LRRC7: variants seen among roughly 807,000 people sequenced by gnomAD.
LRRC7 encodes leucine rich repeat containing 7, also known as leucine-rich repeat-containing protein 7.
In LRRC7, 23 loss-of-function variants were observed where a neutral mutation model predicts 175.7. The observed-to-expected ratio is 0.13, with a 90% confidence interval of 0.09 to 0.19. The LOEUF (loss-of-function observed/expected upper bound fraction) is 0.19. LRRC7 is among the 10% of genes least tolerant of loss of function. LRRC7 has a pLI of 1.00. For synonymous variants in LRRC7, 685 were observed against 680.9 expected, an observed-to-expected ratio of 1.01 and a Z score of -0.09; for missense variants, 1,354 against 1,904.7, an observed-to-expected ratio of 0.71 and a Z score of 5.38.
At chr1:69,613,620 G>A (rs879515875) in intron 1 of LRRC7, among the ~76,000 whole-genome samples, 3 of 151,988 alleles carry the variant, frequency 2.0e-5, no homozygotes, top group Admixed American at 6.6e-5. Flanking sequence ...GAGAGCATGC[G>A]TCATTCACTG....
chr1:69,588,305 C>T (rs1006701106), intron 1 of LRRC7, among the ~76,000 whole-genome samples: 1 of 152,034 alleles, frequency 6.6e-6, no homozygotes, highest in Non-Finnish European at 1.5e-5. Flanking sequence ...GCATACCTAG[C>T]TCTTAACATA....
At chr1:69,669,890 T>A (rs1033226303) in intron 1 of LRRC7, among the ~76,000 whole-genome samples, 1 of 152,172 alleles carries the variant, frequency 6.6e-6, no homozygotes, top group African/African-American at 2.4e-5. Flanking sequence ...GTATGCCAAT[T>A]GGATTTTTCA....
intron 7 of LRRC7, among the ~76,000 whole-genome samples, chr1:69,929,668 C>T (rs1249060742): frequency 6.6e-6 from 1 of 152,166 alleles, no homozygotes; most frequent in Non-Finnish European, 1.5e-5. Flanking sequence ...ATTACATTAG[C>T]CTTCTCTTTG....
intron 9 of LRRC7, among the ~76,000 whole-genome samples, chr1:69,983,549 GA>G: frequency 6.6e-6 from 1 of 152,152 alleles, no homozygotes; most frequent in East Asian, 1.9e-4. Context: ...CACGTAAAGA[GA>G]ACATCTTCAT....
intron 7 of LRRC7, chr1:69,919,506 G>A: frequency 1.2e-6 from 1 of 862,614 alleles, no homozygotes; most frequent in Non-Finnish European, 1.9e-6. Flanking sequence ...TCTGGCAGGG[G>A]GAGCCCGCCA....
chr1:69,986,455 T>G, intron 10 of LRRC7, 69 bp downstream of exon 10: 2 of 1,387,080 alleles, frequency 1.4e-6, no homozygotes, highest in Non-Finnish European at 2.0e-6. Flanking sequence ...GAAGTATAGT[T>G]TGTCTATAGA....
At position 69,717,838 on chromosome 1, in the gene LRRC7, GAA is replaced by G. The variant is rs1169678453; in HGVS notation, c.100+39365_100+39366del. On this transcript the variant is annotated intron_variant, in intron 2 of 26. Coordinates refer to ENST00000651989, the MANE Select transcript of LRRC7 (RefSeq NM_001370785.2). ...AGAAAGAAAGAAAGAAAGAAAGAAA[GAA>G]AAAAGAAAGAAAGGAAAGAAAGAAA... Among the ~76,000 whole-genome samples the G allele has an allele frequency of 1.9e-3, 54 of 29,150 alleles. 1 individual carries two copies. The highest frequency in any genetic ancestry group is 0.016 in the East Asian group (18 of 1,098). 19.1% of individuals were successfully genotyped at this position (29,150 alleles called of 152,430 possible). A position where few individuals can be genotyped will look rare whatever the true frequency, so the allele number is the denominator to read the frequency against.
At chr1:69,969,449 C>A (rs1235046108) in intron 8 of LRRC7, among the ~76,000 whole-genome samples, 1 of 152,082 alleles carries the variant, frequency 6.6e-6, no homozygotes, top group Non-Finnish European at 1.5e-5. Context: ...ACACCCCATG[C>A]AAATGGACAC....
chr1:69,987,838 A>G (rs1370936490), intron 10 of LRRC7, among the ~76,000 whole-genome samples: 1 of 152,178 alleles, frequency 6.6e-6, no homozygotes, highest in Non-Finnish European at 1.5e-5. Flanking sequence ...ACAAAATCCC[A>G]TATTTTATAA....
At chr1:69,773,303 TAATGA>T (rs1303762256) in intron 3 of LRRC7, among the ~76,000 whole-genome samples, 3 of 152,146 alleles carry the variant, frequency 2.0e-5, no homozygotes, top group Non-Finnish European at 4.4e-5. Context: ...TCATTCATTG[TAATGA>T]AATGAAATGA....
chr1:69,851,667 G>A (rs1289666830), intron 7 of LRRC7, among the ~76,000 whole-genome samples: 1 of 152,126 alleles, frequency 6.6e-6, no homozygotes, highest in Non-Finnish European at 1.5e-5. Flanking sequence ...AAATATTAGA[G>A]GTTTAAGGAG....
rs149663163 is a variant in LRRC7, at chr1:70,055,459, A to G, written c.4230+2314A>G. Among the ~76,000 whole-genome samples, 438 of 152,334 alleles carry G rather than the reference A, an allele frequency of 2.9e-3. 3 individuals carry two copies. The highest frequency in any genetic ancestry group is 9.7e-3 in the African/African-American group (403 of 41,586). ...TCTATAGTAATTCAGGTGAAAGTCA[A>G]TGGAAACAATGGGTGGTGGAAAGAT... On this transcript the variant is annotated intron_variant, in intron 23 of 26. Transcript: ENST00000651989.
At chr1:69,730,032 GACCCAA>G (rs1275383070) in intron 2 of LRRC7, among the ~76,000 whole-genome samples, 14 of 152,190 alleles carry the variant, frequency 9.2e-5, no homozygotes, top group African/African-American at 3.1e-4. Flanking sequence ...CTGAAGCAAT[GACCCAA>G]GCTGTACCTT....
intron 24 of LRRC7, among the ~76,000 whole-genome samples, chr1:70,082,240 A>T (rs930460980): frequency 6.6e-6 from 1 of 152,186 alleles, no homozygotes; most frequent in Non-Finnish European, 1.5e-5. Flanking sequence ...TAAATTATAA[A>T]TTTTTTAATT....
chr1:70,105,939 G>A (rs1275327437), intron 25 of LRRC7, among the ~76,000 whole-genome samples: 1 of 152,054 alleles, frequency 6.6e-6, no homozygotes, highest in African/African-American at 2.4e-5. Context: ...CTTCTGAAAA[G>A]CCAAGTGAAA....
chr1:70,112,489 T>A (rs976657856), intron 26 of LRRC7, among the ~76,000 whole-genome samples: 9 of 152,188 alleles, frequency 5.9e-5, no homozygotes, highest in African/African-American at 2.2e-4. Context: ...TATGCACTCA[T>A]TAGGAAACTA....
chr1:69,987,480 T>G (rs886448851), intron 10 of LRRC7, among the ~76,000 whole-genome samples: 9 of 152,210 alleles, frequency 5.9e-5, no homozygotes, highest in Non-Finnish European at 1.2e-4. Context: ...TCAGAATCAG[T>G]CTTCTATTAG....
chr1:69,753,329 A>AACTACT (rs1412568400), intron 2 of LRRC7, among the ~76,000 whole-genome samples: 1 of 142,900 alleles, frequency 7.0e-6, no homozygotes, highest in Non-Finnish European at 1.5e-5. Flanking sequence ...TGTGTGTTAG[A>AACTACT]ACTACTTCTG....
At position 69,990,727 on chromosome 1, in the gene LRRC7, C is replaced by T. The variant is rs61427464; in HGVS notation, c.932-3834C>T. On this transcript the variant is annotated intron_variant, in intron 10 of 26. Coordinates refer to ENST00000651989, the MANE Select transcript of LRRC7 (RefSeq NM_001370785.2). ...AAAGTTCTGAAAGAAAATATTCATA[C>T]GGTGGAAGAAAGAAAAATAAAATGT... Among the ~76,000 whole-genome samples, 1,379 of 151,538 alleles carry T rather than the reference C, an allele frequency of 9.1e-3. 20 individuals are homozygous for T. The highest frequency in any genetic ancestry group is 0.032 in the African/African-American group (1,312 of 41,308).
Sources: allele counts gnomAD v4.1 joint callset (sites outside exome capture counted in the v4.1 genomes callset), GRCh38; gene constraint gnomAD v4.1.1; transcripts MANE v1.5; gene names NCBI Gene and HGNC (gene_info 2026-07-23, HGNC 2026-07-21).